TTC23L: variants seen among roughly 807,000 people sequenced by gnomAD.
The protein encoded by TTC23L is tetratricopeptide repeat protein 23-like.
Under a neutral mutation model 48.1 loss-of-function variants are expected in TTC23L, and 42 were observed. That is an observed-to-expected ratio of 0.87 (90% CI 0.68 to 1.13). The LOEUF (loss-of-function observed/expected upper bound fraction) is 1.13. Among genes scored for constraint, TTC23L ranks in the 50% most tolerant of loss-of-function variants. The pLI, the probability that TTC23L is intolerant of heterozygous loss-of-function variation, is 0.00. For synonymous variants in TTC23L, 159 were observed against 157.2 expected, an observed-to-expected ratio of 1.01 and a Z score of -0.09; for missense variants, 391 against 421.0, an observed-to-expected ratio of 0.93 and a Z score of 0.62.
At chr5:34,858,380 A>AG (rs1356791845) in intron 4 of TTC23L, among the ~76,000 whole-genome samples, 8 of 152,210 alleles carry the variant, frequency 5.3e-5, no homozygotes, top group Non-Finnish European at 7.3e-5. Flanking sequence ...CTGAATTCAT[A>AG]GTACTTTTGT....
chr5:34,890,240 T>G (rs1020385187), intron 9 of TTC23L, among the ~76,000 whole-genome samples: 1 of 150,380 alleles, frequency 6.6e-6, no homozygotes, highest in African/African-American at 2.4e-5. Context: ...AGCTCAGGAG[T>G]TCAAGACCAG....
intron 8 of TTC23L, among the ~76,000 whole-genome samples, chr5:34,874,505 TA>T (rs1285598685): frequency 6.6e-6 from 1 of 152,062 alleles, no homozygotes; most frequent in Admixed American, 6.5e-5. Context: ...AAGAGTTTTT[TA>T]AAAAAGTGTA....
At chr5:34,877,949 A>T (rs1761973957) in intron 8 of TTC23L, among the ~76,000 whole-genome samples, 1 of 152,248 alleles carries the variant, frequency 6.6e-6, no homozygotes, top group Non-Finnish European at 1.5e-5. Flanking sequence ...AATCAACAAA[A>T]ATATCTGGAA....
intron 9 of TTC23L, among the ~76,000 whole-genome samples, chr5:34,885,982 T>A (rs540094319): frequency 2.0e-5 from 3 of 152,026 alleles, no homozygotes; most frequent in African/African-American, 7.2e-5. Context: ...TTGAAAAAAA[T>A]TAAAATAAAA....
intron 3 of TTC23L, among the ~76,000 whole-genome samples, chr5:34,846,257 CTTAAAA>C (rs1380626862): frequency 6.6e-6 from 1 of 151,364 alleles, no homozygotes; most frequent in Non-Finnish European, 1.5e-5. Context: ...TTACCTTTAA[CTTAAAA>C]TTAAAAAAAA....
At chr5:34,872,507 A>T (rs1761535153) in intron 8 of TTC23L, among the ~76,000 whole-genome samples, 2 of 152,128 alleles carry the variant, frequency 1.3e-5, no homozygotes, top group Admixed American at 1.3e-4. Flanking sequence ...CAAGATCAAA[A>T]TTTCACCCAT....
the TTC23L span, chr5:34,908,625 G>T: frequency 2.9e-6 from 2 of 683,396 alleles, no homozygotes; most frequent in Non-Finnish European, 4.9e-6. Flanking sequence ...AACTATTAGG[G>T]TACATGACCT....
At chr5:34,865,171 T>C in intron 6 of TTC23L, among the ~76,000 whole-genome samples, 1 of 152,228 alleles carries the variant, frequency 6.6e-6, no homozygotes, top group East Asian at 1.9e-4. Flanking sequence ...TGTGGGCCCA[T>C]CAGATTATTA....
the TTC23L span, chr5:34,925,262 T>C: frequency 1.2e-6 from 2 of 1,609,372 alleles, no homozygotes; most frequent in Non-Finnish European, 1.7e-6. Flanking sequence ...AGCTGCAAAA[T>C]ACAGAGAGAA....
At chr5:34,897,932 T>G (rs1763333337) in intron 10 of TTC23L, among the ~76,000 whole-genome samples, 1 of 152,250 alleles carries the variant, frequency 6.6e-6, no homozygotes, top group South Asian at 2.1e-4. Context: ...CCCTATGAAT[T>G]AATCTTTTTG....
the TTC23L span, chr5:34,922,636 C>A: frequency 6.3e-7 from 1 of 1,590,692 alleles, no homozygotes; most frequent in Non-Finnish European, 8.6e-7. Flanking sequence ...TAAAAGTAAT[C>A]TTTTGAAATA....
chr5:34,915,538 C>G, the TTC23L span: 1 of 580,446 alleles, frequency 1.7e-6, no homozygotes, highest in Non-Finnish European at 2.9e-6. Flanking sequence ...GACCGGCCCT[C>G]CACCTCGGCC....
chr5:34,862,804 C>A, intron 4 of TTC23L, 94 bp from the exon 5 acceptor site: 1 of 1,455,012 alleles, frequency 6.9e-7, no homozygotes. Flanking sequence ...ACGACAACTG[C>A]ACTGCCCACT....
chr5:34,839,836 T>C (rs1320422884), intron 1 of TTC23L, among the ~76,000 whole-genome samples: 2 of 152,240 alleles, frequency 1.3e-5, no homozygotes, highest in East Asian at 3.8e-4. Context: ...ATCACATTTT[T>C]CGTTTTGTGC....
chr5:34,880,414 A>G (rs1004965910), intron 9 of TTC23L, 106 bp downstream of exon 9: 2 of 1,177,760 alleles, frequency 1.7e-6, no homozygotes, highest in South Asian at 1.7e-5. Context: ...GGTCCCAGAT[A>G]AAACTAGGCA....
chr5:34,867,253 A>G, intron 7 of TTC23L, 184 bp downstream of exon 7: 1 of 649,714 alleles, frequency 1.5e-6, no homozygotes, highest in East Asian at 2.7e-5. Context: ...AGGCCAGAGA[A>G]CACTGACTCA....
At chr5:34,887,443 C>A (rs187090051) in intron 9 of TTC23L, among the ~76,000 whole-genome samples, 1 of 152,118 alleles carries the variant, frequency 6.6e-6, no homozygotes, top group East Asian at 1.9e-4. Flanking sequence ...CAAATCCACA[C>A]TGAAAATAAT....
chr5:34,856,993 G>A (rs1760189504), intron 4 of TTC23L, among the ~76,000 whole-genome samples: 1 of 152,218 alleles, frequency 6.6e-6, no homozygotes, highest in South Asian at 2.1e-4. Context: ...CAAAGAGGAA[G>A]GAGCCAGTTA....
chr5:34,912,689 A>G, the TTC23L span, among the ~76,000 whole-genome samples: 1 of 152,148 alleles, frequency 6.6e-6, no homozygotes, highest in East Asian at 1.9e-4. Flanking sequence ...CAAATAAAAA[A>G]ATATATATTT....
Sources: gnomAD v4.1 joint callset for allele counts (sites outside exome capture counted in the v4.1 genomes callset) on GRCh38, gnomAD v4.1.1 for gene constraint, MANE v1.5 for transcripts, NCBI Gene and HGNC (gene_info 2026-07-23, HGNC 2026-07-21) for gene names.